Variants in RTN4IP1 observed in about 807,000 individuals in gnomAD.
RTN4IP1 encodes the protein NAD(P)H oxidoreductase RTN4IP1, mitochondrial.
Under a neutral mutation model 46.6 loss-of-function variants are expected in RTN4IP1, and 32 were observed. The observed-to-expected ratio is 0.69, with a 90% CI of 0.52 to 0.92. The LOEUF is 0.92. RTN4IP1 is among the 40% of genes least tolerant of loss of function. The probability of loss-of-function intolerance (pLI) is 0.00; values close to 1 mark genes in which losing one functional copy is unlikely to be tolerated. For synonymous variants in RTN4IP1, 167 were observed against 161.8 expected, an observed-to-expected ratio of 1.03 and a Z score of -0.24; for missense variants, 424 against 485.8, an observed-to-expected ratio of 0.87 and a Z score of 1.20.
intron 4 of RTN4IP1, among the ~76,000 whole-genome samples, chr6:106,611,929 C>T (rs983767668): frequency 3.3e-5 from 5 of 152,134 alleles, no homozygotes; most frequent in Admixed American, 6.5e-5. Flanking sequence ...CCATAATCGA[C>T]GAAGAACTTT....
chr6:106,579,132 A>T (rs951456366), intron 8 of RTN4IP1, among the ~76,000 whole-genome samples: 1 of 151,858 alleles, frequency 6.6e-6, no homozygotes, highest in African/African-American at 2.4e-5. Flanking sequence ...GCTACTCAGG[A>T]GGCTGAGGCA....
At chr6:106,620,349 C>T (rs1207439281) in intron 3 of RTN4IP1, among the ~76,000 whole-genome samples, 1 of 152,040 alleles carries the variant, frequency 6.6e-6, no homozygotes, top group Non-Finnish European at 1.5e-5. Context: ...GTGATCCACG[C>T]ACCTCGGCCT....
chr6:106,624,003 G>T (rs1317381926), intron 1 of RTN4IP1, among the ~76,000 whole-genome samples: 1 of 152,284 alleles, frequency 6.6e-6, no homozygotes, highest in East Asian at 1.9e-4. Flanking sequence ...GTGATAAAAA[G>T]CCTCTTGGCT....
intron 5 of RTN4IP1, among the ~76,000 whole-genome samples, chr6:106,599,000 CTTTTTTCCTGA>C (rs946992906): frequency 5.9e-5 from 9 of 151,622 alleles, no homozygotes; most frequent in African/African-American, 1.9e-4. Context: ...TTTAGTTTTA[CTTTTTTCCTGA>C]TTTTTTCCTA....
chr6:106,623,997 T>C (rs1186758378), intron 1 of RTN4IP1, among the ~76,000 whole-genome samples: 1 of 152,262 alleles, frequency 6.6e-6, no homozygotes, highest in Non-Finnish European at 1.5e-5. Flanking sequence ...TCCTGAGTGA[T>C]AAAAAGCCTC....
At chr6:106,591,845 G>A (rs12523666) in intron 6 of RTN4IP1, among the ~76,000 whole-genome samples, 11,064 of 152,124 alleles carry the variant, frequency 0.073, 594 homozygotes, top group East Asian at 0.2. Context: ...TCTTCCTGTG[G>A]TGACAGATGC....
Position 106,572,118 on chromosome 6 carries a change from A to C in RTN4IP1, c.1084-15T>G, listed in dbSNP as rs920441310. 2 of 1,592,272 alleles carry C rather than the reference A, an allele frequency of 1.3e-6. No individual in the cohort carries two copies. Among genetic ancestry groups the C allele is most frequent in the African/African-American group, 1.3e-5 (1 of 74,316 alleles). On this transcript the variant is annotated splice_polypyrimidine_tract_variant and intron_variant, in intron 8 of 8. Coordinates refer to ENST00000369063, the MANE Select transcript of RTN4IP1 (RefSeq NM_032730.5). ...ACTGGCCGGATCTGTAAAACATAAG[A>C]GGTTGACCGGTGGATAAAAAAGCCT...
rs914257152 is a variant in RTN4IP1 at position 106,629,426 on chromosome 6, C to G, written c.-405G>C. ...CCAACGCCAGAGAATCGAACGCTTG[C>G]CGACTGCCGCCGCGACCCTGGCCCG... On this transcript the variant is annotated 5_prime_UTR_variant, in exon 1 of 9. Coordinates refer to ENST00000369063, the MANE Select transcript of RTN4IP1 (RefSeq NM_032730.5). 1.7e-6 allele frequency: 1 copy of G among 586,538 alleles called. No individual in the cohort carries two copies. Among genetic ancestry groups the G allele is most frequent in the Non-Finnish European group, 3.0e-6 (1 of 333,524 alleles). 36.3% of individuals were successfully genotyped at this position (586,538 alleles called of 1,614,324 possible). A position where few individuals can be genotyped will look rare whatever the true frequency, so the allele number is the denominator to read the frequency against.
chr6:106,603,762 C>T (rs1227346027), intron 4 of RTN4IP1, among the ~76,000 whole-genome samples: 6 of 152,184 alleles, frequency 3.9e-5, no homozygotes, highest in Admixed American at 3.9e-4. Flanking sequence ...CATGCTCTTA[C>T]ATTTTATTCT....
At chr6:106,624,947 AAAAAGAAAAAG>A (rs1328910709) in intron 1 of RTN4IP1, among the ~76,000 whole-genome samples, 4 of 105,894 alleles carry the variant, frequency 3.8e-5, no homozygotes, top group African/African-American at 6.8e-5. Context: ...AAAAAAAAAA[AAAAAGAAAAAG>A]AAAAAGAAAA....
chr6:106,580,589 G>A (rs1384228264), intron 8 of RTN4IP1, among the ~76,000 whole-genome samples: 2 of 151,680 alleles, frequency 1.3e-5, no homozygotes, highest in Non-Finnish European at 2.9e-5. Context: ...TGTGGTGGTG[G>A]GCACCTGTAA....
At position 106,592,279 on chromosome 6, in the gene RTN4IP1, G is replaced by A. The variant is rs764053066; in HGVS notation, c.691C>T (p.His231Tyr). The A allele has an allele frequency of 1.9e-6, 3 of 1,613,780 alleles. No individual in the cohort carries two copies. Among genetic ancestry groups the A allele is most frequent in the Non-Finnish European group, 2.5e-6 (3 of 1,179,948 alleles). Residue 231 changes from histidine (H) to tyrosine (Y), a missense_variant, in exon 6 of 9, where the codon CAT (histidine) becomes TAT (tyrosine). By Grantham distance (83) the His-to-Tyr change is moderately conservative. Transcript: ENST00000369063. ...AIQVMKAWDA[H>Y]VTAVCSQDAS... is the part of the protein sequence containing the mutation. ...TCTTGGGAGCAAACTGCTGTCACATGAGCATCCCATGCTTTCATTACCTGC... is the reference window on the plus strand; with the variant it reads ...TCTTGGGAGCAAACTGCTGTCACATAAGCATCCCATGCTTTCATTACCTGC...
chr6:106,579,698 G>A (rs993734473), intron 8 of RTN4IP1, among the ~76,000 whole-genome samples: 21 of 152,126 alleles, frequency 1.4e-4, no homozygotes, highest in East Asian at 5.9e-4. Context: ...ATATTAACTC[G>A]GTGGCTTCTC....
intron 5 of RTN4IP1, among the ~76,000 whole-genome samples, chr6:106,592,664 C>T (rs1179062002): frequency 3.3e-5 from 5 of 152,168 alleles, no homozygotes; most frequent in Non-Finnish European, 7.3e-5. Flanking sequence ...TGGCTCACGC[C>T]TGTAATCCCA....
At chr6:106,613,086 C>A (rs773923502) in intron 4 of RTN4IP1, among the ~76,000 whole-genome samples, 28 of 152,222 alleles carry the variant, frequency 1.8e-4, no homozygotes, top group Admixed American at 1.8e-3. Flanking sequence ...GATATGCTAA[C>A]CACAATCAGT....
At chr6:106,583,805 A>G (rs893663529) in intron 7 of RTN4IP1, among the ~76,000 whole-genome samples, 1 of 152,236 alleles carries the variant, frequency 6.6e-6, no homozygotes, top group South Asian at 2.1e-4. Flanking sequence ...GCCCAGAGGC[A>G]CTAGAAAAGA....
chr6:106,617,900 T>C (rs1776392888), intron 4 of RTN4IP1, among the ~76,000 whole-genome samples: 1 of 152,112 alleles, frequency 6.6e-6, no homozygotes, highest in African/African-American at 2.4e-5. Flanking sequence ...ACAATTACAA[T>C]ACAGGTCTAA....
chr6:106,579,234 CAA>C (rs756707350), intron 8 of RTN4IP1, among the ~76,000 whole-genome samples: 9 of 121,654 alleles, frequency 7.4e-5, no homozygotes, highest in Non-Finnish European at 7.0e-5. Context: ...GACTACATCT[CAA>C]AAAAAAAAAA....
Position 106,619,169 on chromosome 6 carries a change from G to GGTTTA in RTN4IP1, c.620+28_620+32dup, listed in dbSNP as rs578217368. On this transcript the variant is annotated intron_variant, in intron 4 of 8. Coordinates refer to ENST00000369063, the MANE Select transcript of RTN4IP1 (RefSeq NM_032730.5). ...GGAACTCACAGAAGGAAAGAAAAGA[G>GGTTTA]GTTTAGATGCTGCCACTGACTGATA... 2.9e-5 allele frequency: 47 copies of GGTTTA among 1,611,732 alleles called. No individual in the cohort carries two copies. In the East Asian group the frequency reaches 8.7e-4, roughly 30 times the overall value.
Sources: gnomAD v4.1 joint callset for allele counts (sites outside exome capture counted in the v4.1 genomes callset) on GRCh38, gnomAD v4.1.1 for gene constraint, MANE v1.5 for transcripts, NCBI Gene and HGNC (gene_info 2026-07-23, HGNC 2026-07-21) for gene names.